Variants in CDH13 observed in about 807,000 individuals in gnomAD.
The protein encoded by CDH13 is cadherin-13.
Under a neutral mutation model 63.8 loss-of-function variants are expected in CDH13, and 24 were observed. That is an observed-to-expected ratio of 0.38 (90% CI 0.27 to 0.53). The LOEUF (loss-of-function observed/expected upper bound fraction) is 0.53. Among genes scored for constraint, CDH13 ranks in the 20% least tolerant of loss-of-function variants. The probability of loss-of-function intolerance (pLI) is 0.85; values close to 1 mark genes in which losing one functional copy is unlikely to be tolerated. For missense variants in CDH13, 1,049 were observed against 903.1 expected, an observed-to-expected ratio of 1.16 and a Z score of -2.07; for synonymous variants, 503 against 355.3, an observed-to-expected ratio of 1.42 and a Z score of -4.67.
intron 1 of CDH13, among the ~76,000 whole-genome samples, chr16:82,758,175 G>T (rs1308877077): frequency 6.6e-6 from 1 of 152,056 alleles, no homozygotes; most frequent in Non-Finnish European, 1.5e-5. Flanking sequence ...TGAGGAATGG[G>T]CAATACTCAC....
chr16:83,404,705 A>C (rs1166230310), intron 6 of CDH13, among the ~76,000 whole-genome samples: 1 of 152,264 alleles, frequency 6.6e-6, no homozygotes, highest in Non-Finnish European at 1.5e-5. Context: ...ACCCTTCCCC[A>C]GAACAGCCAC....
In CDH13 at chr16:83,496,131, A is replaced by C. The variant is rs1485665134; in HGVS notation, c.960+9476A>C. ...TGCCATCCCCATCAAGCTACCAATGACTTTCTTCACAGAATTGGAAAAAAC... is the reference window on the plus strand; with the variant it reads ...TGCCATCCCCATCAAGCTACCAATGCCTTTCTTCACAGAATTGGAAAAAAC... On this transcript the variant is annotated intron_variant, in intron 7 of 13. Transcript: ENST00000567109. Among the ~76,000 whole-genome samples the C allele has an allele frequency of 3.3e-5, 5 of 152,202 alleles. No homozygotes were observed. In the East Asian group the frequency reaches 9.6e-4, roughly 29 times the overall value.
chr16:82,856,736 TC>T (rs2039718627), intron 1 of CDH13, among the ~76,000 whole-genome samples: 2 of 107,144 alleles, frequency 1.9e-5, no homozygotes, highest in South Asian at 3.0e-4. Flanking sequence ...ACTTTAAAAG[TC>T]AAAAAAAATA....
chr16:83,141,440 G>A (rs904257102), intron 4 of CDH13, among the ~76,000 whole-genome samples: 1 of 152,164 alleles, frequency 6.6e-6, no homozygotes, highest in Admixed American at 6.5e-5. Flanking sequence ...TTTCTACTGA[G>A]ACTAATCTTA....
intron 10 of CDH13, among the ~76,000 whole-genome samples, chr16:83,713,554 G>T (rs534745662): frequency 7.0e-4 from 106 of 151,974 alleles, no homozygotes; most frequent in African/African-American, 2.5e-3. Flanking sequence ...GTAAAAAGAC[G>T]TGTTTCTTTA....
At chr16:83,645,625 C>G (rs1911720071) in intron 8 of CDH13, among the ~76,000 whole-genome samples, 1 of 152,068 alleles carries the variant, frequency 6.6e-6, no homozygotes, top group Non-Finnish European at 1.5e-5. Flanking sequence ...TGTGGCATTA[C>G]AGAAACCTCA....
intron 5 of CDH13, among the ~76,000 whole-genome samples, chr16:83,299,386 C>T (rs2089679752): frequency 6.6e-6 from 1 of 152,058 alleles, no homozygotes; most frequent in South Asian, 2.1e-4. Context: ...GCTCATGTCA[C>T]AAATCAGTAG....
At chr16:83,669,263 C>T (rs534409202) in intron 8 of CDH13, among the ~76,000 whole-genome samples, 1 of 152,234 alleles carries the variant, frequency 6.6e-6, no homozygotes, top group East Asian at 1.9e-4. Flanking sequence ...CCATAATAAC[C>T]ATAATAGATT....
chr16:82,856,667 C>G (rs1257995502), intron 1 of CDH13, among the ~76,000 whole-genome samples: 1 of 118,894 alleles, frequency 8.4e-6, no homozygotes, highest in Non-Finnish European at 1.6e-5. Flanking sequence ...GCACTCCAGC[C>G]TGGGCAACAT....
At chr16:83,737,519 T>G (rs73236474) in intron 10 of CDH13, among the ~76,000 whole-genome samples, 8,573 of 152,166 alleles carry the variant, frequency 0.056, 637 homozygotes, top group African/African-American at 0.17. Context: ...CTTTTTTTTT[T>G]GGGAAATATT....
At chr16:82,715,208 G>T (rs1362111264) in intron 1 of CDH13, among the ~76,000 whole-genome samples, 2 of 151,660 alleles carry the variant, frequency 1.3e-5, no homozygotes, top group African/African-American at 4.8e-5. Context: ...CTTTCTAAAT[G>T]TCCTGAGTAT....
chr16:82,907,552 G>C (rs557132623), intron 2 of CDH13, among the ~76,000 whole-genome samples: 19 of 152,320 alleles, frequency 1.2e-4, no homozygotes, highest in African/African-American at 4.1e-4. Flanking sequence ...TTTGAGAAGA[G>C]AAAAGCAAAA....
At chr16:82,871,486 A>G (rs572261991) in intron 2 of CDH13, among the ~76,000 whole-genome samples, 3 of 152,196 alleles carry the variant, frequency 2.0e-5, no homozygotes, top group Non-Finnish European at 4.4e-5. Context: ...AAGGGTTGAC[A>G]CTAACAGGCA....
At chr16:82,969,952 T>C in intron 2 of CDH13, among the ~76,000 whole-genome samples, 1 of 151,884 alleles carries the variant, frequency 6.6e-6, no homozygotes, top group East Asian at 1.9e-4. Flanking sequence ...TTTTTTTTTA[T>C]TATACTTTAA....
At chr16:82,691,767 C>G (rs1186279553) in intron 1 of CDH13, among the ~76,000 whole-genome samples, 1 of 152,068 alleles carries the variant, frequency 6.6e-6, no homozygotes, top group Non-Finnish European at 1.5e-5. Context: ...GGTCTCCCCT[C>G]AATATTCTGA....
chr16:82,680,403 C>T (rs1914417005), intron 1 of CDH13, among the ~76,000 whole-genome samples: 1 of 152,148 alleles, frequency 6.6e-6, no homozygotes, highest in African/African-American at 2.4e-5. Context: ...ATCACAGTGC[C>T]AGGAGGTGCG....
At chr16:82,792,732 C>G (rs1396038467) in intron 1 of CDH13, among the ~76,000 whole-genome samples, 8 of 152,218 alleles carry the variant, frequency 5.3e-5, no homozygotes, top group Admixed American at 5.2e-4. Context: ...TTCCTCTTAT[C>G]TTGTCACACT....
chr16:83,442,064 C>G (rs1383574137), intron 6 of CDH13, among the ~76,000 whole-genome samples: 4 of 152,074 alleles, frequency 2.6e-5, no homozygotes, highest in African/African-American at 9.7e-5. Flanking sequence ...AATAGCCATG[C>G]CTGTACTTGC....
At chr16:82,959,056 G>A (rs967944031) in intron 2 of CDH13, among the ~76,000 whole-genome samples, 3 of 152,160 alleles carry the variant, frequency 2.0e-5, no homozygotes, top group African/African-American at 7.2e-5. Flanking sequence ...CCCCAGCAGT[G>A]TTCATGATCT....
Sources: allele counts gnomAD v4.1 joint callset (sites outside exome capture counted in the v4.1 genomes callset), GRCh38; gene constraint gnomAD v4.1.1; transcripts MANE v1.5; gene names NCBI Gene and HGNC (gene_info 2026-07-23, HGNC 2026-07-21).